Variants in TMOD3 observed in about 807,000 individuals in gnomAD.
TMOD3 encodes tropomodulin-3.
A neutral mutation model predicts 39.2 loss-of-function variants in TMOD3; 20 were observed. The ratio of observed to expected loss-of-function variants is 0.51; its 90% confidence interval spans 0.36 to 0.74. The LOEUF is 0.74. Ranked by LOEUF, TMOD3 falls within the 30% of genes least tolerant of loss-of-function variation. TMOD3 has a pLI of 0.00. For synonymous variants in TMOD3, 143 were observed against 145.8 expected (o/e 0.98, Z 0.14); for missense variants, 381 against 412.8 (o/e 0.92, Z 0.67).
At chr15:51,906,144 G>A (rs906262787) in intron 9 of TMOD3, among the ~76,000 whole-genome samples, 2 of 152,126 alleles carry the variant, frequency 1.3e-5, no homozygotes, top group East Asian at 1.9e-4. Context: ...TGCACACAGC[G>A]GCAGCAACCT....
At chr15:51,850,819 C>G (rs2056358103) in intron 1 of TMOD3, among the ~76,000 whole-genome samples, 1 of 152,134 alleles carries the variant, frequency 6.6e-6, no homozygotes, top group African/African-American at 2.4e-5. Context: ...TCACTGTAAC[C>G]TCTGCCTCCT....
intron 3 of TMOD3, among the ~76,000 whole-genome samples, chr15:51,884,805 A>G (rs986387701): frequency 4.6e-5 from 7 of 152,350 alleles, no homozygotes; most frequent in African/African-American, 1.7e-4. Flanking sequence ...GAGAAAAACA[A>G]AGGAACCTGG....
At chr15:51,844,934 G>A (rs2056328551) in intron 1 of TMOD3, among the ~76,000 whole-genome samples, 1 of 151,892 alleles carries the variant, frequency 6.6e-6, no homozygotes, top group Non-Finnish European at 1.5e-5. Flanking sequence ...TATTTACTTT[G>A]TTCATTTTTT....
At chr15:51,871,982 G>A (rs996134626) in intron 3 of TMOD3, among the ~76,000 whole-genome samples, 1 of 152,130 alleles carries the variant, frequency 6.6e-6, no homozygotes, top group South Asian at 2.1e-4. Context: ...CAGTGATTAA[G>A]ATGATAGCTT....
At chr15:51,882,844 A>C (rs2056541865) in intron 3 of TMOD3, among the ~76,000 whole-genome samples, 1 of 152,056 alleles carries the variant, frequency 6.6e-6, no homozygotes, top group African/African-American at 2.4e-5. Context: ...AGATTTTGAA[A>C]GGGATTGTGT....
At position 51,895,472 on chromosome 15, in the gene TMOD3, G is replaced by A. The variant is rs552747590; in HGVS notation, c.628-947G>A. On this transcript the variant is annotated intron_variant, in intron 6 of 9. Coordinates refer to ENST00000308580, the MANE Select transcript of TMOD3 (RefSeq NM_014547.5). ...TGACCTCAAGTGATTCGCCCACCTT[G>A]GCCTCCCAAACTGCTGGGATTACAG... Among the ~76,000 whole-genome samples, 6 of 152,094 alleles carry A rather than the reference G, an allele frequency of 3.9e-5. No individual in the cohort carries two copies. The East Asian group carries it at 1.2e-3, about 29-fold the overall frequency.
At chr15:51,900,561 A>T (rs1220468869) in intron 8 of TMOD3, among the ~76,000 whole-genome samples, 1 of 152,230 alleles carries the variant, frequency 6.6e-6, no homozygotes, top group Non-Finnish European at 1.5e-5. Context: ...GAGGACTCTT[A>T]CATGTGACCT....
At chr15:51,895,778 T>C (rs1365029122) in intron 6 of TMOD3, among the ~76,000 whole-genome samples, 1 of 152,172 alleles carries the variant, frequency 6.6e-6, no homozygotes, top group Non-Finnish European at 1.5e-5. Flanking sequence ...ATTTCTTTCC[T>C]TGTAGAAAAG....
At chr15:51,851,146 G>A (rs975815698) in intron 1 of TMOD3, among the ~76,000 whole-genome samples, 7 of 152,308 alleles carry the variant, frequency 4.6e-5, no homozygotes, top group African/African-American at 1.4e-4. Flanking sequence ...CTGCTGGGGG[G>A]TGATAACCAT....
At chr15:51,851,803 A>T (rs1187208326) in intron 1 of TMOD3, among the ~76,000 whole-genome samples, 1 of 152,104 alleles carries the variant, frequency 6.6e-6, no homozygotes, top group Non-Finnish European at 1.5e-5. Context: ...AAAACATATC[A>T]CGTTTATCTA....
intron 1 of TMOD3, chr15:51,860,933 C>G: frequency 2.2e-6 from 1 of 457,846 alleles, no homozygotes; most frequent in South Asian, 1.6e-5. Context: ...AAGACTCCAT[C>G]TCAAAAAACA....
chr15:51,832,878 C>T (rs1005683850), intron 1 of TMOD3, among the ~76,000 whole-genome samples: 1 of 152,190 alleles, frequency 6.6e-6, no homozygotes, highest in Non-Finnish European at 1.5e-5. Context: ...AGCTGGCAAA[C>T]TACTCTTCAC....
intron 7 of TMOD3, among the ~76,000 whole-genome samples, chr15:51,899,337 C>CA (rs1421420773): frequency 1.3e-5 from 2 of 151,922 alleles, no homozygotes; most frequent in Admixed American, 6.6e-5. Flanking sequence ...TACATGTGAC[C>CA]AAAAAATCAA....
intron 2 of TMOD3, among the ~76,000 whole-genome samples, chr15:51,864,261 T>C (rs1250706433): frequency 2.0e-5 from 2 of 99,944 alleles, no homozygotes; most frequent in Admixed American, 1.1e-4. Flanking sequence ...GCAAGACTTA[T>C]CTCAAAAAAA....
At chr15:51,870,694 G>A (rs574692347) in intron 3 of TMOD3, among the ~76,000 whole-genome samples, 1 of 152,308 alleles carries the variant, frequency 6.6e-6, no homozygotes, top group South Asian at 2.1e-4. Flanking sequence ...CCCAGCCCCT[G>A]TGCTTTTTCT....
At chr15:51,863,051 A>G (rs993914190) in intron 2 of TMOD3, 41 bp downstream of exon 2, 1 of 1,588,050 alleles carries the variant, frequency 6.3e-7, no homozygotes. Flanking sequence ...TAACTTTTCG[A>G]ATTCTTTGAA....
chr15:51,868,691 G>A (rs949830124), intron 2 of TMOD3, among the ~76,000 whole-genome samples: 37 of 152,228 alleles, frequency 2.4e-4, no homozygotes, highest in African/African-American at 8.4e-4. Context: ...GAAAACGTAT[G>A]CTGGGCGCGG....
chr15:51,850,078 G>A (rs937323303), intron 1 of TMOD3, among the ~76,000 whole-genome samples: 2 of 152,176 alleles, frequency 1.3e-5, no homozygotes, highest in Non-Finnish European at 2.9e-5. Flanking sequence ...GAGGACTCGG[G>A]TTACCAAATA....
At chr15:51,906,747 G>A (rs530675974) in intron 9 of TMOD3, among the ~76,000 whole-genome samples, 4 of 152,164 alleles carry the variant, frequency 2.6e-5, no homozygotes, top group Admixed American at 1.3e-4. Context: ...TGGGCTGGGC[G>A]CAGTGGCTCA....
Sources: allele counts gnomAD v4.1 joint callset (sites outside exome capture counted in the v4.1 genomes callset), GRCh38; gene constraint gnomAD v4.1.1; transcripts MANE v1.5; gene names NCBI Gene and HGNC (gene_info 2026-07-23, HGNC 2026-07-21).